Variants in ST6GALNAC3 observed in about 807,000 individuals in gnomAD.
ST6GALNAC3 encodes alpha-N-acetylgalactosaminide alpha-2,6-sialyltransferase 3.
Under a neutral mutation model 32.7 loss-of-function variants are expected in ST6GALNAC3, and 25 were observed. The ratio of observed to expected loss-of-function variants is 0.76; its 90% CI spans 0.56 to 1.07. ST6GALNAC3 has a LOEUF of 1.07. Among genes scored for constraint, ST6GALNAC3 ranks in the 50% least tolerant of loss-of-function variants. The pLI is 0.00. For missense variants in ST6GALNAC3, 355 were observed against 382.4 expected (o/e 0.93, Z 0.60); for synonymous variants, 129 against 133.1 (o/e 0.97, Z 0.21).
At chr1:76,195,541 T>C (rs907165957) in intron 1 of ST6GALNAC3, among the ~76,000 whole-genome samples, 6 of 152,248 alleles carry the variant, frequency 3.9e-5, no homozygotes, top group Non-Finnish European at 8.8e-5. Flanking sequence ...GAAGAGTACA[T>C]GGCTGTGAAG....
intron 3 of ST6GALNAC3, among the ~76,000 whole-genome samples, chr1:76,581,591 C>A (rs1391635720): frequency 2.0e-5 from 3 of 152,084 alleles, no homozygotes; most frequent in Non-Finnish European, 4.4e-5. Flanking sequence ...GTACTCACTC[C>A]AAAGTAAATA....
At chr1:76,170,037 T>A (rs1006472557) in intron 1 of ST6GALNAC3, among the ~76,000 whole-genome samples, 1 of 152,122 alleles carries the variant, frequency 6.6e-6, no homozygotes, top group Non-Finnish European at 1.5e-5. Flanking sequence ...TATTTGATTA[T>A]CTTGAGGGCT....
chr1:76,372,020 G>A (rs1380141454), intron 2 of ST6GALNAC3, among the ~76,000 whole-genome samples: 1 of 152,136 alleles, frequency 6.6e-6, no homozygotes, highest in Non-Finnish European at 1.5e-5. Context: ...CATTTAACTT[G>A]CAGCCCTAGA....
At chr1:76,359,952 C>T (rs1442740201) in intron 2 of ST6GALNAC3, among the ~76,000 whole-genome samples, 1 of 152,160 alleles carries the variant, frequency 6.6e-6, no homozygotes, top group African/African-American at 2.4e-5. Flanking sequence ...TCTCTTCAGT[C>T]TTCCAGATTC....
intron 3 of ST6GALNAC3, among the ~76,000 whole-genome samples, chr1:76,606,857 T>G (rs933600249): frequency 4.2e-4 from 43 of 103,602 alleles, no homozygotes; most frequent in African/African-American, 1.7e-3. Context: ...AATGTGTGGG[T>G]TTTTTTTTTT....
intron 3 of ST6GALNAC3, among the ~76,000 whole-genome samples, chr1:76,485,365 G>C (rs938322667): frequency 6.6e-6 from 1 of 152,056 alleles, no homozygotes; most frequent in Non-Finnish European, 1.5e-5. Context: ...ACTTTTTTTG[G>C]TTGGTAGGCT....
chr1:76,209,276 A>T (rs1210150571), intron 1 of ST6GALNAC3, among the ~76,000 whole-genome samples: 1 of 152,166 alleles, frequency 6.6e-6, no homozygotes, highest in African/African-American at 2.4e-5. Context: ...TTATGCTGTG[A>T]TAAAAGCGTG....
At chr1:76,336,518 C>T (rs1647487969) in intron 2 of ST6GALNAC3, among the ~76,000 whole-genome samples, 1 of 152,198 alleles carries the variant, frequency 6.6e-6, no homozygotes, top group Admixed American at 6.5e-5. Flanking sequence ...CTTCACAACA[C>T]AGTCATATTC....
At chr1:76,516,743 A>C (rs1378642487) in intron 3 of ST6GALNAC3, among the ~76,000 whole-genome samples, 2 of 152,210 alleles carry the variant, frequency 1.3e-5, no homozygotes, top group Middle Eastern at 3.4e-3. Context: ...CAAACACAGC[A>C]TATGTCTCTT....
At chr1:76,473,799 T>G (rs1250059822) in intron 3 of ST6GALNAC3, among the ~76,000 whole-genome samples, 1 of 152,194 alleles carries the variant, frequency 6.6e-6, no homozygotes, top group Non-Finnish European at 1.5e-5. Flanking sequence ...AGGTGGAGTC[T>G]ACATTTCCTC....
intron 3 of ST6GALNAC3, among the ~76,000 whole-genome samples, chr1:76,595,960 C>G (rs1647130351): frequency 6.7e-6 from 1 of 148,842 alleles, no homozygotes; most frequent in Admixed American, 6.7e-5. Flanking sequence ...TTTTGAGTAG[C>G]AGTGACTGAG....
intron 3 of ST6GALNAC3, chr1:76,577,047 T>C (rs1646821952): frequency 8.7e-7 from 1 of 1,150,802 alleles, no homozygotes; most frequent in South Asian, 1.9e-5. Flanking sequence ...TTCTTTCCCT[T>C]TGTAGACTTG....
intron 3 of ST6GALNAC3, among the ~76,000 whole-genome samples, chr1:76,555,732 T>A (rs1664877831): frequency 6.6e-6 from 1 of 152,060 alleles, no homozygotes; most frequent in Non-Finnish European, 1.5e-5. Flanking sequence ...TTTTCTAAAG[T>A]AGCTGGGTCA....
At chr1:76,592,315 A>G (rs531985243) in intron 3 of ST6GALNAC3, among the ~76,000 whole-genome samples, 1 of 152,326 alleles carries the variant, frequency 6.6e-6, no homozygotes, top group Admixed American at 6.5e-5. Context: ...AGTAAAATCC[A>G]TCAAGAATAC....
At chr1:76,422,867 T>C (rs1011262774) in intron 3 of ST6GALNAC3, among the ~76,000 whole-genome samples, 1 of 152,032 alleles carries the variant, frequency 6.6e-6, no homozygotes, top group African/African-American at 2.4e-5. Context: ...GAGGAGTTTT[T>C]TAACCTCCTG....
Position 76,417,229 on chromosome 1 carries a change from T to C in ST6GALNAC3, c.623+4812T>C, listed in dbSNP as rs189149082. Among the ~76,000 whole-genome samples, 805 of 151,684 alleles carry C rather than the reference T, an allele frequency of 5.3e-3. 8 individuals carry two copies. Among genetic ancestry groups the C allele is most frequent in the African/African-American group, 0.018 (736 of 41,410 alleles). Reference sequence around the variant, plus strand: ...TTGTTTTTTTTTTCTTTCTTTCTTTTTTTTTTTTTAATTCTAGGTTCATTG... The same window carrying C: ...TTGTTTTTTTTTTCTTTCTTTCTTTCTTTTTTTTTAATTCTAGGTTCATTG... On this transcript the variant is annotated intron_variant, in intron 3 of 4. Transcript: ENST00000328299.
chr1:76,325,604 G>T (rs1043566304), intron 2 of ST6GALNAC3, among the ~76,000 whole-genome samples: 2 of 150,802 alleles, frequency 1.3e-5, no homozygotes, highest in African/African-American at 4.9e-5. Context: ...AAGAAAGTTA[G>T]CTATCTTTCA....
chr1:76,202,953 A>G (rs911360293), intron 1 of ST6GALNAC3, among the ~76,000 whole-genome samples: 4 of 152,206 alleles, frequency 2.6e-5, no homozygotes, highest in Non-Finnish European at 4.4e-5. Context: ...AGAGCCAAGT[A>G]TGTCACCTTT....
intron 1 of ST6GALNAC3, among the ~76,000 whole-genome samples, chr1:76,216,071 G>A (rs1399470381): frequency 6.6e-6 from 1 of 152,078 alleles, no homozygotes; most frequent in Non-Finnish European, 1.5e-5. Flanking sequence ...GGCCACACTG[G>A]TCTCATAGAT....
Sources: gnomAD v4.1 joint callset for allele counts (sites outside exome capture counted in the v4.1 genomes callset) on GRCh38, gnomAD v4.1.1 for gene constraint, MANE v1.5 for transcripts, NCBI Gene and HGNC (gene_info 2026-07-23, HGNC 2026-07-21) for gene names.